Variants in CELSR3 observed in about 807,000 individuals in gnomAD.
CELSR3 encodes EGF-like protein 1.
CELSR3 carries 73 observed loss-of-function variants against 270.0 expected under a neutral mutation model. That is an observed-to-expected ratio of 0.27 (90% CI 0.22 to 0.33). CELSR3 has a LOEUF of 0.33. Ranked by LOEUF, CELSR3 falls within the 10% of genes least tolerant of loss-of-function variation. CELSR3 has a pLI of 1.00. For synonymous variants in CELSR3, 1,780 were observed against 1,905.4 expected, an observed-to-expected ratio of 0.93 and a Z score of 1.71; for missense variants, 3,614 against 4,533.8, an observed-to-expected ratio of 0.80 and a Z score of 5.83.
chr3:48,646,098 T>C lies in CELSR3; in HGVS notation c.7455A>G (p.Pro2485=). Residue 2485 remains proline (P), a synonymous_variant, in exon 22 of 35, where the codon CCA becomes CCG. Transcript: ENST00000164024. The surrounding 1 kb of genome is among the most constrained non-coding windows in gnomAD (Gnocchi z 4.8). ...AGAATGGGGGTCCTCACAGGCCAGG[T>C]GGGTCCCACTGCACACAGATCGCCT... ...RSKAICVQWD[P]PGLAEQHGVW... is the part of the protein sequence containing the mutation. 1 of 1,612,624 alleles carries C rather than the reference T, an allele frequency of 6.2e-7. No homozygotes were observed. The highest frequency in any genetic ancestry group is 8.5e-7 in the Non-Finnish European group (1 of 1,179,774).
chr3:48,644,380 G>C lies in CELSR3; in HGVS notation c.8086-85C>G. ...GCAATGAGAGACAGAGAGAGACTAA[G>C]ATTCACGGAGAGAGGCAGAACCAGT... On this transcript the variant is annotated intron_variant, in intron 26 of 34. Transcript: ENST00000164024. The surrounding 1 kb of genome is among the most constrained non-coding windows in gnomAD (Gnocchi z 4.8). The C allele has an allele frequency of 7.8e-7, 1 of 1,278,976 alleles. No individual in the cohort carries two copies. The highest frequency in any genetic ancestry group is 2.4e-5 in the East Asian group (1 of 42,534). The allele number at this position is 1,278,976 out of a possible 1,614,324, so 79.2% of individuals were successfully genotyped here.
In CELSR3 at chr3:48,646,752, G is replaced by A; in HGVS notation, c.7295+11C>T. The A allele has an allele frequency of 6.2e-7, 1 of 1,606,812 alleles. No individual in the cohort carries two copies. The highest frequency in any genetic ancestry group is 8.5e-7 in the Non-Finnish European group (1 of 1,177,678). On this transcript the variant is annotated intron_variant, in intron 21 of 34. Transcript: ENST00000164024. The surrounding 1 kb of genome is among the most constrained non-coding windows in gnomAD (Gnocchi z 4.8). ...GTTCGTAGGAAGCTCAGGGGTGAGG[G>A]GCCTGAGTACCTGGCACCTCGGCGT...
At chr3:48,643,908 AGC>A (rs2047053547) in intron 27 of CELSR3, 2 of 602,318 alleles carry the variant, frequency 3.3e-6, no homozygotes, top group South Asian at 4.3e-5. Flanking sequence ...GGGGTATGGG[AGC>A]CACAAGGGAG....
rs2047078670 is a variant in CELSR3 at position 48,645,880 on chromosome 3, G to A, written c.7464-12C>T. On this transcript the variant is annotated splice_polypyrimidine_tract_variant and intron_variant, in intron 22 of 34. Coordinates refer to ENST00000164024, the MANE Select transcript of CELSR3 (RefSeq NM_001407.3). The surrounding 1 kb of genome is among the most constrained non-coding windows in gnomAD (Gnocchi z 5.4). ...CATGCTGCTCCGCCCTGCAGCCACA[G>A]GGCAGTTAGACACAACTGTGACCCA... is the stretch of plus-strand genomic sequence containing the variant. 1 of 1,590,866 alleles carries A rather than the reference G, an allele frequency of 6.3e-7. No individual in the cohort carries two copies. The highest frequency in any genetic ancestry group is 8.6e-7 in the Non-Finnish European group (1 of 1,165,686).
intron 27 of CELSR3, chr3:48,643,975 GC>G (rs1168267057): frequency 1.7e-6 from 1 of 587,642 alleles, no homozygotes; most frequent in Non-Finnish European, 3.0e-6. Context: ...AGCCACCCAG[GC>G]CATGGGAGAC....
chr3:48,642,505 T>C lies in CELSR3; in HGVS notation c.8556-38A>G, dbSNP rs761406178. ...GAGCCCCCCCACCATGAAAGAGGGA[T>C]GTGATGGGGTGCCTTGGAGGCTGGA... On this transcript the variant is annotated intron_variant, in intron 30 of 34. Transcript: ENST00000164024. This position sits in a 1 kb window ranked among gnomAD's most constrained non-coding sequence, Gnocchi z 6.1. The C allele has an allele frequency of 1.9e-6, 3 of 1,590,682 alleles. No individual in the cohort carries two copies. The South Asian group carries it at 3.4e-5, about 18-fold the overall frequency.
intron 3 of CELSR3, 54 bp downstream of exon 3, chr3:48,656,086 G>C: frequency 6.7e-7 from 1 of 1,494,744 alleles, no homozygotes; most frequent in Non-Finnish European, 9.0e-7. Flanking sequence ...ATCTGAGTCA[G>C]GGCGGGTAGG....
At chr3:48,648,245 C>T in intron 19 of CELSR3, 21 bp downstream of exon 19, 1 of 1,404,202 alleles carries the variant, frequency 7.1e-7, no homozygotes, top group Non-Finnish European at 1.0e-6. Flanking sequence ...TGTGCCCCGC[C>T]CTACCCCACC....
chr3:48,648,241 C>CCCCCCACCCCCCCCCCCAA, intron 19 of CELSR3, 25 bp downstream of exon 19: 1 of 1,318,116 alleles, frequency 7.6e-7, no homozygotes, highest in Non-Finnish European at 1.1e-6. Context: ...CTGCTGTGCC[C>CCCCCCACCCCCCCCCCCAA]CGCCCTACCC....
chr3:48,641,157 A>T lies in CELSR3; in HGVS notation c.9025+167T>A. 2 of 615,124 alleles carry T rather than the reference A, an allele frequency of 3.3e-6. No homozygotes were observed. The highest frequency in any genetic ancestry group is 3.9e-5 in the South Asian group (2 of 51,930). The allele number at this position is 615,124 out of a possible 1,614,324, so 38.1% of individuals were successfully genotyped here. On this transcript the variant is annotated intron_variant, in intron 33 of 34. Transcript: ENST00000164024. The surrounding 1 kb of genome is among the most constrained non-coding windows in gnomAD (Gnocchi z 4.8). ...GGGGACAGAGAATTCCCAGGTCAGG[A>T]CAGGAGCAGTCCCTGAGGACCGTGA...
rs2047123649 is a variant in CELSR3 at position 48,650,070 on chromosome 3, C to T, written c.6472+410G>A. The stretch of plus-strand genomic sequence containing the variant: ...ACCCCAGGAACTGAGAAGGGGTCAG[C>T]AGGGTCCTCAGGCAATGGGGAGGGG... On this transcript the variant is annotated intron_variant, in intron 16 of 34. Transcript: ENST00000164024. The surrounding 1 kb of genome is among the most constrained non-coding windows in gnomAD (Gnocchi z 5.1). Among the ~76,000 whole-genome samples the T allele has an allele frequency of 6.6e-6, 1 of 151,410 alleles. No homozygotes were observed.
At position 48,656,690 on chromosome 3, in the gene CELSR3, CT is replaced by C; in HGVS notation, c.4399+7del. 6.8e-7 allele frequency: 1 copy of C among 1,476,352 alleles called. No homozygotes were observed. The highest frequency in any genetic ancestry group is 8.9e-7 in the Non-Finnish European group (1 of 1,120,608). 91.5% of individuals were successfully genotyped at this position (1,476,352 alleles called of 1,614,324 possible). ...CTTCCCCCAGCTCTGGCCCGGCGCC[CT>C]GCTCACCGGTGAAGCGCGGGCGGCA... On this transcript the variant is annotated splice_region_variant and intron_variant, in intron 2 of 34. Transcript: ENST00000164024.
In CELSR3 at chr3:48,651,644, G is replaced by A; in HGVS notation, c.5998C>T (p.Pro2000Ser). The change falls in exon 13 of 35, where the codon CCA (proline) becomes TCA (serine). Residue 2000 changes from proline (P) to serine (S), a missense_variant. Coordinates refer to ENST00000164024, the MANE Select transcript of CELSR3 (RefSeq NM_001407.3). The surrounding 1 kb of genome is among the most constrained non-coding windows in gnomAD (Gnocchi z 7.4). ...CAGGTATAGCCATGGGGGGCTCCTG[G>A]CAGGTGCCGGCATGATCCCTGGTTC... ...CQNQGSCRHL[P>S]GAPHGYTCDC... 1 of 1,590,052 alleles carries A rather than the reference G, an allele frequency of 6.3e-7. No homozygotes were observed. Among genetic ancestry groups the A allele is most frequent in the Non-Finnish European group, 8.6e-7 (1 of 1,168,364 alleles).
chr3:48,638,279 AG>A (rs1261573236), intron 34 of CELSR3, 47 bp from the exon 35 acceptor site: 2 of 1,515,316 alleles, frequency 1.3e-6, no homozygotes, highest in East Asian at 4.5e-5. Flanking sequence ...GAGGACTCCG[AG>A]TCAGGCGGCT....
rs186494511 is a variant in CELSR3, at chr3:48,651,400, C to T, written c.6145G>A (p.Asp2049Asn). The T allele has an allele frequency of 3.1e-4, 505 of 1,614,072 alleles. No individual in the cohort carries two copies. The highest frequency in any genetic ancestry group is 4.0e-4 in the Non-Finnish European group (474 of 1,179,960). ...PCNCDVHKGF[D>N]PNCNKTNGQC... is the part of the protein sequence containing the mutation. ...CCATTTGTCTTGTTGCAGTTGGGAT[C>T]AAAACCTTTGTGAACATCACAGTTG... Residue 2049 changes from aspartate (D) to asparagine (N), a missense_variant, in exon 14 of 35, where the codon GAT (aspartate) becomes AAT (asparagine). Physicochemically the swap from Asp to Asn is conservative, Grantham distance 23. This residue lies in a region of CELSR3 where 1,331 missense variants were observed against 1,933.7 expected (regional missense o/e 0.69). Transcript: ENST00000164024. This position sits in a 1 kb window ranked among gnomAD's most constrained non-coding sequence, Gnocchi z 7.4.
chr3:48,662,774 G>T lies in CELSR3; in HGVS notation c.-140C>A. The T allele has an allele frequency of 3.9e-6, 1 of 259,598 alleles. No homozygotes were observed. The highest frequency in any genetic ancestry group is 6.5e-6 in the Non-Finnish European group (1 of 154,648). 16.1% of individuals were successfully genotyped at this position (259,598 alleles called of 1,614,324 possible). A position where few individuals can be genotyped will look rare whatever the true frequency, so the allele number is the denominator to read the frequency against. The stretch of plus-strand genomic sequence containing the variant: ...CCGCCTGTCTCTCCGCACCCCCGCC[G>T]CCCTCTGGGCACCATCTACTCCGCG... On this transcript the variant is annotated 5_prime_UTR_variant, in exon 1 of 35. Transcript: ENST00000164024. The surrounding 1 kb of genome is among the most constrained non-coding windows in gnomAD (Gnocchi z 7.1).
rs747914523 is a variant in CELSR3, at chr3:48,648,275, G to A, written c.6964C>T (p.Pro2322Ser). 7.5e-7 allele frequency: 1 copy of A among 1,331,080 alleles called. No individual in the cohort carries two copies. The highest frequency in any genetic ancestry group is 2.7e-5 in the East Asian group (1 of 37,136). The allele number at this position is 1,331,080 out of a possible 1,614,324, so 82.5% of individuals were successfully genotyped here. Residue 2322 changes from proline (P) to serine (S), a missense_variant, in exon 19 of 35, where the codon CCT (proline) becomes TCT (serine). Physicochemically the swap from Pro to Ser is moderately conservative, Grantham distance 74. This residue lies in a region of CELSR3 where 1,240 missense variants were observed against 1,351.7 expected (regional missense o/e 0.92). Coordinates refer to ENST00000164024, the MANE Select transcript of CELSR3 (RefSeq NM_001407.3). ...CCCACCCACAACGCACTGATATTAG[G>A]CGTCACCAGCCCCATGGGATTCAGG... is the stretch of plus-strand genomic sequence containing the variant. ...TYLNPMGLVTPNIMLSIDRME... is the reference protein window; with the variant it reads ...TYLNPMGLVTSNIMLSIDRME...
At position 48,660,264 on chromosome 3, in the gene CELSR3, A is replaced by T; in HGVS notation, c.2371T>A (p.Tyr791Asn). ...VDRDANSAIS[Y>N]QITGGNTRNR... is the part of the protein sequence containing the mutation. ...CGGGTGTTGCCGCCTGTGATCTGGT[A>T]GCTGATGGCACTGTTGGCATCACGG... The change falls in exon 1 of 35, where the codon TAC becomes AAC. Residue 791 changes from tyrosine to asparagine, a missense_variant. Physicochemically the swap from Tyr to Asn is moderately radical, Grantham distance 143. Coordinates refer to ENST00000164024, the MANE Select transcript of CELSR3 (RefSeq NM_001407.3). This position sits in a 1 kb window ranked among gnomAD's most constrained non-coding sequence, Gnocchi z 5.5. 6.2e-7 allele frequency: 1 copy of T among 1,614,130 alleles called. No homozygotes were observed.
In CELSR3 at chr3:48,658,984, C is replaced by A. The variant is rs747790812; in HGVS notation, c.3651G>T (p.Gln1217His). 1.2e-6 allele frequency: 2 copies of A among 1,614,112 alleles called. No individual in the cohort carries two copies. The highest frequency in any genetic ancestry group is 1.7e-6 in the Non-Finnish European group (2 of 1,180,046). The change falls in exon 1 of 35, where the codon CAG (glutamine) becomes CAT (histidine). Residue 1217 changes from glutamine to histidine, a missense_variant. Around this residue, in one of 7 missense-constraint regions of CELSR3, gnomAD observed 1,331 missense variants for 1,933.7 expected, o/e 0.69. Coordinates refer to ENST00000164024, the MANE Select transcript of CELSR3 (RefSeq NM_001407.3). The surrounding 1 kb of genome is among the most constrained non-coding windows in gnomAD (Gnocchi z 4.7). ...FYSFERGNELQLLVVNQTSGE... is the reference protein window; with the variant it reads ...FYSFERGNELHLLVVNQTSGE... ...CACTGGTCTGGTTGACTACCAGCAG[C>A]TGCAGCTCATTGCCACGCTCAAAGG...
Sources: gnomAD v4.1 joint callset for allele counts (sites outside exome capture counted in the v4.1 genomes callset) on GRCh38, gnomAD v4.1.1 for gene constraint, gnomAD v4.1.1 regional missense constraint, Gnocchi (gnomAD v3.1) non-coding constraint, MANE v1.5 for transcripts, NCBI Gene and HGNC (gene_info 2026-07-23, HGNC 2026-07-21) for gene names.